The following ACSM2B variants were observed in gnomAD, a reference collection of about 807,000 sequenced individuals.
ACSM2B encodes the protein acyl-coenzyme A synthetase ACSM2B, mitochondrial.
ACSM2B carries 58 observed loss-of-function variants against 78.6 expected under a neutral mutation model. That is an observed-to-expected ratio of 0.74 (90% CI 0.60 to 0.92). ACSM2B has a LOEUF of 0.92. ACSM2B is among the 40% of genes least tolerant of loss of function. The pLI, the probability that ACSM2B is intolerant of heterozygous loss-of-function variation, is 0.00. For synonymous variants in ACSM2B, 257 were observed against 256.8 expected, an observed-to-expected ratio of 1.00 and a Z score of -0.01; for missense variants, 688 against 711.2, an observed-to-expected ratio of 0.97 and a Z score of 0.37.
chr16:20,544,686 C>T, intron 10 of ACSM2B: 32 of 984,932 alleles, frequency 3.2e-5, no homozygotes, highest in Non-Finnish European at 3.9e-5. Context: ...GTGAGGTGGC[C>T]AGATTCAAGG....
At chr16:20,560,890 T>A (rs2015632959) in intron 2 of ACSM2B, among the ~76,000 whole-genome samples, 1 of 152,082 alleles carries the variant, frequency 6.6e-6, no homozygotes, top group African/African-American at 2.4e-5. Context: ...TTTCGGGAAC[T>A]GAAGCAAAGG....
intron 8 of ACSM2B, chr16:20,547,791 G>A (rs898822491): frequency 1.6e-5 from 16 of 1,012,788 alleles, no homozygotes; most frequent in South Asian, 9.1e-5. Flanking sequence ...TTTTTCCATC[G>A]CATTTCTCAC....
At position 20,575,183 on chromosome 16, in the gene ACSM2B, C is replaced by T. The variant is rs527581620; in HGVS notation, c.-9+1024G>A. Among the ~76,000 whole-genome samples, 1,091 of 151,566 alleles carry T rather than the reference C, an allele frequency of 7.2e-3. 4 individuals are homozygous for T. The highest frequency in any genetic ancestry group is 0.014 in the Middle Eastern group (4 of 292). On this transcript the variant is annotated intron_variant, in intron 1 of 13. Transcript: ENST00000329697. The stretch of plus-strand genomic sequence containing the variant: ...CCCAAAACCAACAAAAGAACTCCAT[C>T]CTTAATATTCTTTTCCTCTAGAACC...
rs144937370 is a variant in ACSM2B, at chr16:20,547,742, G to C, written c.1098+320C>G. The C allele has an allele frequency of 2.4e-3, 2,577 of 1,069,508 alleles. 152 individuals are homozygous for C. The East Asian group carries it at 0.12, about 49-fold the overall frequency. 66.3% of individuals were successfully genotyped at this position (1,069,508 alleles called of 1,614,324 possible). On this transcript the variant is annotated intron_variant, in intron 8 of 13. Coordinates refer to ENST00000329697, the MANE Select transcript of ACSM2B (RefSeq NM_001105069.2). ...CAGAGGAACTTTCTGACTACCATAT[G>C]TGATTTACCAACTTCTCACCCCATC...
intron 4 of ACSM2B, among the ~76,000 whole-genome samples, chr16:20,554,537 G>A (rs1186120528): frequency 2.0e-5 from 3 of 152,128 alleles, no homozygotes; most frequent in African/African-American, 7.2e-5. Context: ...TATCATATGT[G>A]CCCCCGCTAG....
Position 20,537,191 on chromosome 16 carries a change from G to T in ACSM2B, c.*67C>A. On this transcript the variant is annotated 3_prime_UTR_variant, in exon 14 of 14. Coordinates refer to ENST00000329697, the MANE Select transcript of ACSM2B (RefSeq NM_001105069.2). ...AAGAATCTCATATCATCATAGTAAG[G>T]CCAAGGGCCCAAAGGGAAAAGAAAG... 1.3e-6 allele frequency: 2 copies of T among 1,577,316 alleles called. No individual in the cohort carries two copies. Among genetic ancestry groups the T allele is most frequent in the South Asian group, 1.1e-5 (1 of 89,398 alleles).
At chr16:20,556,660 A>C (rs2015483862) in intron 3 of ACSM2B, among the ~76,000 whole-genome samples, 1 of 152,184 alleles carries the variant, frequency 6.6e-6, no homozygotes, top group African/African-American at 2.4e-5. Context: ...TTATTTGTGA[A>C]GCTTAAACCA....
At chr16:20,545,987 C>G (rs187897278) in intron 9 of ACSM2B, among the ~76,000 whole-genome samples, 1 of 152,260 alleles carries the variant, frequency 6.6e-6, no homozygotes, top group Admixed American at 6.5e-5. Context: ...TGGATACATA[C>G]TATTTAATAC....
In ACSM2B at chr16:20,538,582, G is replaced by T. The variant is rs536838809; in HGVS notation, c.1630-1220C>A. Among the ~76,000 whole-genome samples the T allele has an allele frequency of 2.0e-5, 3 of 152,250 alleles. No individual in the cohort carries two copies. In the East Asian group the frequency reaches 5.8e-4, roughly 29 times the overall value. ...GGACTGGATGTAGTTGGTGAAAGGA[G>T]GGGGAGGGTGCAAATAATCTGCTGC... is the stretch of plus-strand genomic sequence containing the variant. On this transcript the variant is annotated intron_variant, in intron 13 of 13. Coordinates refer to ENST00000329697, the MANE Select transcript of ACSM2B (RefSeq NM_001105069.2).
chr16:20,542,790 T>C (rs1474936874), intron 12 of ACSM2B, 124 bp downstream of exon 12: 3 of 1,284,372 alleles, frequency 2.3e-6, no homozygotes, highest in South Asian at 2.9e-5. Context: ...ACATAGCTAG[T>C]AAGTGGCAGG....
chr16:20,541,943 C>T (rs1441498678), intron 12 of ACSM2B: 1 of 152,248 alleles, frequency 6.6e-6, no homozygotes, highest in Non-Finnish European at 1.5e-5. Context: ...AGCCTCCCAA[C>T]CAAGCACTTT....
chr16:20,566,673 A>ATATAG lies in ACSM2B; in HGVS notation c.-8-1821_-8-1820insCTATA, dbSNP rs1567218214. Among the ~76,000 whole-genome samples, 12 of 19,102 alleles carry ATATAG rather than the reference A, an allele frequency of 6.3e-4. 2 individuals are homozygous for ATATAG. The highest frequency in any genetic ancestry group is 4.6e-3 in the African/African-American group (11 of 2,384). The allele number at this position is 19,102 out of a possible 152,430, so 12.5% of individuals were successfully genotyped here. A position where few individuals can be genotyped will look rare whatever the true frequency, so the allele number is the denominator to read the frequency against. On this transcript the variant is annotated intron_variant, in intron 1 of 13. Transcript: ENST00000329697. ...TACTATATATATGTATATATAGTAT[A>ATATAG]TACATATAGTATATACTATATATAG... is the stretch of plus-strand genomic sequence containing the variant.
At chr16:20,544,945 G>A (rs1046476898) in intron 10 of ACSM2B, 6 of 1,026,908 alleles carry the variant, frequency 5.8e-6, no homozygotes, top group Non-Finnish European at 6.5e-6. Context: ...AGAAAAATAA[G>A]TCTTCCAATG....
chr16:20,547,214 A>G, intron 8 of ACSM2B: 1 of 987,882 alleles, frequency 1.0e-6, no homozygotes, highest in African/African-American at 1.7e-5. Context: ...GATCATGGGA[A>G]TCTGAGTGTC....
In ACSM2B at chr16:20,559,381, T is replaced by G; in HGVS notation, c.244A>C (p.Asn82His). 1.2e-6 allele frequency: 2 copies of G among 1,612,610 alleles called. No individual in the cohort carries two copies. Among genetic ancestry groups the G allele is most frequent in the Non-Finnish European group, 1.7e-6 (2 of 1,179,276 alleles). The change falls in exon 3 of 14, where the codon AAT becomes CAT. Residue 82 changes from asparagine (N) to histidine (H), a missense_variant. Coordinates refer to ENST00000329697, the MANE Select transcript of ACSM2B (RefSeq NM_001105069.2). ...VNGKGKELMW[N>H]FRELSENSQQ... ...CTGTTTTCACTCAGTTCTCTGAAATTCCACATTAATTCCTTCCCCTTCCCA... is the reference window on the plus strand; with the variant it reads ...CTGTTTTCACTCAGTTCTCTGAAATGCCACATTAATTCCTTCCCCTTCCCA...
intron 8 of ACSM2B, chr16:20,546,879 G>A (rs556428595): frequency 2.5e-3 from 426 of 171,492 alleles, no homozygotes; most frequent in South Asian, 0.015. Flanking sequence ...CTATTTATGG[G>A]ATATATGAGA....
At chr16:20,540,139 G>T (rs1210187804) in intron 13 of ACSM2B, among the ~76,000 whole-genome samples, 2 of 152,046 alleles carry the variant, frequency 1.3e-5, no homozygotes, top group Non-Finnish European at 2.9e-5. Flanking sequence ...TGAGTCAAAA[G>T]CTGAGGTCAT....
chr16:20,558,344 T>C (rs1409429304), intron 3 of ACSM2B, among the ~76,000 whole-genome samples: 1 of 143,998 alleles, frequency 6.9e-6, no homozygotes, highest in African/African-American at 2.4e-5. Context: ...TCCTATTCCC[T>C]AGCCCCCTGC....
intron 1 of ACSM2B, among the ~76,000 whole-genome samples, chr16:20,566,645 C>CTATATATACTATATATACTATA (rs375962180): frequency 0.027 from 315 of 11,534 alleles, 3 homozygotes; most frequent in South Asian, 0.042. Flanking sequence ...TATATATATA[C>CTATATATACTATATATACTATA]TATACTATAT....
Sources: gnomAD v4.1 joint callset for allele counts (sites outside exome capture counted in the v4.1 genomes callset) on GRCh38, gnomAD v4.1.1 for gene constraint, MANE v1.5 for transcripts, NCBI Gene and HGNC (gene_info 2026-07-23, HGNC 2026-07-21) for gene names.